Variants in TRAIP observed in about 807,000 individuals in gnomAD.
TRAIP encodes the protein TRAF interacting protein.
In TRAIP, 37 loss-of-function variants were observed where a neutral mutation model predicts 65.0. That is an observed-to-expected ratio of 0.57 (90% CI 0.44 to 0.75). The LOEUF is 0.75. Among genes scored for constraint, TRAIP ranks in the 30% least tolerant of loss-of-function variants. TRAIP has a pLI of 0.00. For missense variants in TRAIP, 481 were observed against 579.4 expected (o/e 0.83, Z 1.74); for synonymous variants, 187 against 219.1 (o/e 0.85, Z 1.29).
intron 10 of TRAIP, among the ~76,000 whole-genome samples, chr3:49,832,438 C>T (rs1159450103): frequency 1.4e-5 from 2 of 147,700 alleles, no homozygotes; most frequent in East Asian, 2.0e-4. Context: ...TGCGGTGAGC[C>T]GAGATCGCGC....
intron 9 of TRAIP, 115 bp from the exon 10 acceptor site, chr3:49,839,975 G>T: frequency 9.5e-7 from 1 of 1,057,768 alleles, no homozygotes; most frequent in Non-Finnish European, 1.4e-6. Flanking sequence ...ACAGAGCAAG[G>T]CCTGATACCT....
At position 49,829,598 on chromosome 3, in the gene TRAIP, T is replaced by G; in HGVS notation, c.1236+19A>C. 1 of 1,614,164 alleles carries G rather than the reference T, an allele frequency of 6.2e-7. No homozygotes were observed. Among genetic ancestry groups the G allele is most frequent in the Non-Finnish European group, 8.5e-7 (1 of 1,179,990 alleles). Reference sequence around the variant, plus strand: ...ACCCAAGAGGGCTGGCTCCTGCCACTGTGGGAAGCCACACTCACCACATCT... The same window carrying G: ...ACCCAAGAGGGCTGGCTCCTGCCACGGTGGGAAGCCACACTCACCACATCT... On this transcript the variant is annotated intron_variant, in intron 13 of 14. Coordinates refer to ENST00000331456, the MANE Select transcript of TRAIP (RefSeq NM_005879.3).
rs968304203 is a variant in TRAIP at position 49,846,732 on chromosome 3, T to C, written c.240+793A>G. On this transcript the variant is annotated intron_variant, in intron 3 of 14. Coordinates refer to ENST00000331456, the MANE Select transcript of TRAIP (RefSeq NM_005879.3). ...CCATATTCCAGGAACCCTCCACTTA[T>C]GTGGAAATAGAAAGTGAACTCCCAG... Among the ~76,000 whole-genome samples, 6 of 152,252 alleles carry C rather than the reference T, an allele frequency of 3.9e-5. No individual in the cohort carries two copies. The South Asian group carries it at 8.3e-4, about 21-fold the overall frequency.
At chr3:49,853,562 T>C (rs780967923) in intron 1 of TRAIP, among the ~76,000 whole-genome samples, 4 of 152,012 alleles carry the variant, frequency 2.6e-5, no homozygotes, top group Non-Finnish European at 5.9e-5. Flanking sequence ...TTAGACAAGA[T>C]AGGCCAGGCA....
At chr3:49,830,206 G>A in intron 11 of TRAIP, 138 bp from the exon 12 acceptor site, 1 of 935,944 alleles carries the variant, frequency 1.1e-6, no homozygotes, top group East Asian at 2.5e-5. Context: ...AGGCACCTCA[G>A]TGATCCCACC....
At chr3:49,841,643 G>A (rs973031980) in intron 7 of TRAIP, among the ~76,000 whole-genome samples, 183 bp downstream of exon 7, 6 of 152,238 alleles carry the variant, frequency 3.9e-5, no homozygotes, top group Admixed American at 1.3e-4. Context: ...GGTCAAAGAG[G>A]CCAAGAAACT....
At position 49,829,182 on chromosome 3, in the gene TRAIP, G is replaced by A; in HGVS notation, c.1331C>T (p.Thr444Ile). 6.2e-7 allele frequency: 1 copy of A among 1,614,228 alleles called. No homozygotes were observed. Among genetic ancestry groups the A allele is most frequent in the South Asian group, 1.1e-5 (1 of 91,082 alleles). Residue 444 changes from threonine to isoleucine, a missense_variant, in exon 15 of 15, where the codon ACC (threonine) becomes ATC (isoleucine). By Grantham distance (89) the Thr-to-Ile change is moderately conservative (BLOSUM62 -1). Coordinates refer to ENST00000331456, the MANE Select transcript of TRAIP (RefSeq NM_005879.3). ...MIRPLPVKPK[T>I]KVKQRVRVKT... is the part of the protein sequence containing the mutation. ...CACCCTCACCCTCTGCTTAACCTTG[G>A]TCTTGGGCTTAACAGGCAATGGGCG... is the stretch of plus-strand genomic sequence containing the variant.
intron 1 of TRAIP, among the ~76,000 whole-genome samples, chr3:49,855,904 C>T (rs2081965746): frequency 6.6e-6 from 1 of 152,108 alleles, no homozygotes; most frequent in Admixed American, 6.5e-5. Flanking sequence ...GCTGACATGG[C>T]GAATACATTG....
intron 1 of TRAIP, among the ~76,000 whole-genome samples, chr3:49,849,845 T>C (rs55901550): frequency 0.076 from 9,628 of 126,310 alleles, 243 homozygotes; most frequent in Middle Eastern, 0.15. Flanking sequence ...CTTTTCTTTT[T>C]TTTTTTTTTT....
At chr3:49,841,709 A>G (rs1158496286) in intron 7 of TRAIP, 117 bp downstream of exon 7, 3 of 739,468 alleles carry the variant, frequency 4.1e-6, no homozygotes, top group African/African-American at 1.8e-5. Flanking sequence ...CAAAGGCAGC[A>G]TGGCTCCAGA....
intron 14 of TRAIP, 65 bp downstream of exon 14, chr3:49,829,393 G>A: frequency 6.2e-7 from 1 of 1,612,962 alleles, no homozygotes; most frequent in Non-Finnish European, 8.5e-7. Flanking sequence ...CAGGCTGGGG[G>A]TATAGGTGAG....
intron 11 of TRAIP, among the ~76,000 whole-genome samples, chr3:49,831,582 G>A (rs1006886972): frequency 3.9e-5 from 6 of 152,202 alleles, no homozygotes; most frequent in Admixed American, 6.5e-5. Flanking sequence ...AGAGTCCCTC[G>A]CTCAGGACTC....
intron 1 of TRAIP, among the ~76,000 whole-genome samples, chr3:49,851,013 T>G (rs2081926419): frequency 6.6e-6 from 1 of 151,752 alleles, no homozygotes. Context: ...AGGGTCTCAC[T>G]CTGTCACCCA....
At chr3:49,841,668 T>C (rs1162213606) in intron 7 of TRAIP, among the ~76,000 whole-genome samples, 158 bp downstream of exon 7, 1 of 152,210 alleles carries the variant, frequency 6.6e-6, no homozygotes, top group Non-Finnish European at 1.5e-5. Context: ...GCAGGCCACA[T>C]AGTTGCTGAA....
chr3:49,846,029 C>T (rs950289118), intron 3 of TRAIP, among the ~76,000 whole-genome samples: 4 of 152,198 alleles, frequency 2.6e-5, no homozygotes, highest in Middle Eastern at 3.4e-3. Context: ...AGTTCTCTGC[C>T]AACGCAGCCT....
intron 1 of TRAIP, among the ~76,000 whole-genome samples, chr3:49,853,723 T>C (rs2081951920): frequency 6.6e-6 from 1 of 152,006 alleles, no homozygotes; most frequent in African/African-American, 2.4e-5. Context: ...GGTGTGTGCC[T>C]GTAATCCCAG....
At chr3:49,839,719 A>G in intron 10 of TRAIP, 53 bp downstream of exon 10, 1 of 1,519,896 alleles carries the variant, frequency 6.6e-7, no homozygotes, top group Non-Finnish European at 9.1e-7. Context: ...AAAGACTGTT[A>G]CCAGAAAGCT....
chr3:49,829,436 C>G lies in TRAIP; in HGVS notation c.1287+22G>C. ...ATGGGCTCCACAGTTCAGCTCAGCT[C>G]AACATCACAGGAAAAGGATACAGGC... On this transcript the variant is annotated intron_variant, in intron 14 of 14. Coordinates refer to ENST00000331456, the MANE Select transcript of TRAIP (RefSeq NM_005879.3). 6.2e-7 allele frequency: 1 copy of G among 1,614,086 alleles called. No homozygotes were observed. Among genetic ancestry groups the G allele is most frequent in the Non-Finnish European group, 8.5e-7 (1 of 1,180,026 alleles).
intron 11 of TRAIP, among the ~76,000 whole-genome samples, chr3:49,830,295 C>A (rs575804052): frequency 4.3e-4 from 66 of 152,284 alleles, no homozygotes; most frequent in African/African-American, 1.5e-3. Context: ...GATGACTGGA[C>A]CATGTCCCAA....
Sources: allele counts gnomAD v4.1 joint callset (sites outside exome capture counted in the v4.1 genomes callset), GRCh38; gene constraint gnomAD v4.1.1; transcripts MANE v1.5; gene names NCBI Gene and HGNC (gene_info 2026-07-23, HGNC 2026-07-21).